The following FMNL2 variants were observed in gnomAD, a reference collection of about 807,000 sequenced individuals.
FMNL2 encodes the protein formin like 2, also known as formin-like protein 2.
In FMNL2, 51 loss-of-function variants were observed where a neutral mutation model predicts 130.2. The observed-to-expected ratio is 0.39, with a 90% CI of 0.31 to 0.49. The LOEUF is 0.49. Ranked by LOEUF, FMNL2 falls within the 20% of genes least tolerant of loss-of-function variation. The pLI is 0.85. For missense variants in FMNL2, 977 were observed against 1,316.2 expected, an observed-to-expected ratio of 0.74 and a Z score of 3.99; for synonymous variants, 465 against 467.1, an observed-to-expected ratio of 1.00 and a Z score of 0.06.
At chr2:152,485,054 C>A (rs941576219) in intron 1 of FMNL2, among the ~76,000 whole-genome samples, 1 of 152,126 alleles carries the variant, frequency 6.6e-6, no homozygotes, top group Non-Finnish European at 1.5e-5. Flanking sequence ...TAAAATTATT[C>A]TGTAATTTAA....
chr2:152,637,699 CT>C, intron 23 of FMNL2, 25 bp downstream of exon 23: 1 of 1,601,986 alleles, frequency 6.2e-7, no homozygotes, highest in Non-Finnish European at 8.5e-7. Flanking sequence ...CCTCCTTGCC[CT>C]TATTTCTCAA....
At chr2:152,429,804 C>T (rs150091718) in intron 1 of FMNL2, among the ~76,000 whole-genome samples, 216 of 152,278 alleles carry the variant, frequency 1.4e-3, no homozygotes, top group African/African-American at 5.0e-3. Flanking sequence ...GAACGTTACA[C>T]TAAGCAGTCG....
chr2:152,541,324 T>G (rs933344696), intron 2 of FMNL2, among the ~76,000 whole-genome samples: 1 of 152,176 alleles, frequency 6.6e-6, no homozygotes, highest in East Asian at 1.9e-4. Flanking sequence ...ACCCAGCTAA[T>G]TTTTTGTATT....
At position 152,649,371 on chromosome 2, in the gene FMNL2, C is replaced by T. The variant is rs1683880542; in HGVS notation, c.*1466C>T. On this transcript the variant is annotated 3_prime_UTR_variant, in exon 26 of 26. Coordinates refer to ENST00000288670, the MANE Select transcript of FMNL2 (RefSeq NM_052905.4). Reference sequence around the variant, plus strand: ...CTATACAATCTGAATGTTATTTTAACTTATAGTTTTTTTTAATATATATAT... The same window carrying T: ...CTATACAATCTGAATGTTATTTTAATTTATAGTTTTTTTTAATATATATAT... 6.6e-6 allele frequency: 1 copy of T among 152,282 alleles called. No homozygotes were observed. Among genetic ancestry groups the T allele is most frequent in the South Asian group, 2.1e-4 (1 of 4,824 alleles). The allele number at this position is 152,282 out of a possible 1,614,324, so 9.4% of individuals were successfully genotyped here. A position where few individuals can be genotyped will look rare whatever the true frequency, so the allele number is the denominator to read the frequency against.
chr2:152,613,269 T>A (rs1342005306), intron 11 of FMNL2, among the ~76,000 whole-genome samples: 1 of 152,222 alleles, frequency 6.6e-6, no homozygotes, highest in Non-Finnish European at 1.5e-5. Flanking sequence ...AGTATCAGTA[T>A]TTGAACAAAA....
intron 9 of FMNL2, among the ~76,000 whole-genome samples, chr2:152,598,987 G>T (rs1697903690): frequency 6.6e-6 from 1 of 152,182 alleles, no homozygotes; most frequent in Non-Finnish European, 1.5e-5. Flanking sequence ...GAGTCTGAAG[G>T]CCTGAGAACC....
chr2:152,509,843 C>T (rs1177596375), intron 1 of FMNL2, among the ~76,000 whole-genome samples: 1 of 136,894 alleles, frequency 7.3e-6, no homozygotes, highest in Non-Finnish European at 1.5e-5. Flanking sequence ...GCTCATGGCT[C>T]AAGTGATCCT....
intron 1 of FMNL2, among the ~76,000 whole-genome samples, chr2:152,486,479 C>A (rs934716371): frequency 6.6e-6 from 1 of 152,184 alleles, no homozygotes; most frequent in Non-Finnish European, 1.5e-5. Flanking sequence ...ACTAGGATTA[C>A]TTGGAGAAAA....
intron 18 of FMNL2, among the ~76,000 whole-genome samples, chr2:152,629,159 C>A (rs764394112): frequency 6.6e-6 from 1 of 152,120 alleles, no homozygotes; most frequent in Non-Finnish European, 1.5e-5. Context: ...TTTCCCAATT[C>A]TGTTTCTAGA....
At chr2:152,594,408 C>G (rs1196011164) in intron 9 of FMNL2, among the ~76,000 whole-genome samples, 1 of 152,316 alleles carries the variant, frequency 6.6e-6, no homozygotes, top group Middle Eastern at 3.4e-3. Flanking sequence ...GAGCAACAAT[C>G]CTAAAAGAGA....
intron 9 of FMNL2, among the ~76,000 whole-genome samples, chr2:152,595,641 G>A (rs1697721812): frequency 6.6e-6 from 1 of 152,082 alleles, no homozygotes; most frequent in South Asian, 2.1e-4. Context: ...ATATTATGGT[G>A]TCAGGCGTCC....
chr2:152,433,382 G>A (rs1687596317), intron 1 of FMNL2, among the ~76,000 whole-genome samples: 1 of 152,202 alleles, frequency 6.6e-6, no homozygotes, highest in Non-Finnish European at 1.5e-5. Flanking sequence ...AGTCATCTAG[G>A]TTACCATGTG....
chr2:152,381,361 C>T (rs35547021), intron 1 of FMNL2, among the ~76,000 whole-genome samples: 84,137 of 151,914 alleles, frequency 0.55, 24,299 homozygotes, highest in South Asian at 0.7. Flanking sequence ...TTGTGACATA[C>T]GAGCTCATAA....
intron 6 of FMNL2, among the ~76,000 whole-genome samples, chr2:152,568,317 G>C (rs1206673691): frequency 6.8e-6 from 1 of 147,778 alleles, no homozygotes; most frequent in African/African-American, 2.5e-5. Context: ...CCAGGTTCAA[G>C]CAATTCTTTT....
At chr2:152,378,616 T>C (rs1684298404) in intron 1 of FMNL2, among the ~76,000 whole-genome samples, 1 of 152,176 alleles carries the variant, frequency 6.6e-6, no homozygotes, top group African/African-American at 2.4e-5. Flanking sequence ...CTTGCTTTCT[T>C]ACTTATTAAG....
chr2:152,339,656 T>C (rs1313696414), intron 1 of FMNL2, among the ~76,000 whole-genome samples: 3 of 152,166 alleles, frequency 2.0e-5, no homozygotes, highest in Non-Finnish European at 2.9e-5. Context: ...TAGGAAGTAA[T>C]GGTTTAGGGC....
In FMNL2 at chr2:152,647,858, G is replaced by T; in HGVS notation, c.3232G>T (p.Asp1078Tyr). 1 of 1,613,862 alleles carries T rather than the reference G, an allele frequency of 6.2e-7. No homozygotes were observed. The highest frequency in any genetic ancestry group is 8.5e-7 in the Non-Finnish European group (1 of 1,179,836). ...AVRRSVRRRF[D>Y]DQNLRSVNGA... ...GAGGAGAAGCGTCAGGCGGCGCTTT[G>T]ATGATCAGAACTTGCGTTCTGTTAA... The change falls in exon 26 of 26, where the codon GAT becomes TAT. Residue 1078 changes from aspartate (D) to tyrosine (Y), a missense_variant. Around this residue, in one of 4 missense-constraint regions of FMNL2, gnomAD observed 168 missense variants for 168.8 expected, o/e 1.00. Coordinates refer to ENST00000288670, the MANE Select transcript of FMNL2 (RefSeq NM_052905.4).
At chr2:152,624,064 CCCTCCCCT>C (rs1681578734) in intron 15 of FMNL2, among the ~76,000 whole-genome samples, 1 of 3,246 alleles carries the variant, frequency 3.1e-4, no homozygotes, top group Non-Finnish European at 6.7e-4. Flanking sequence ...CCCTCCCCTC[CCCTCCCCT>C]CCACTCAATT....
intron 1 of FMNL2, among the ~76,000 whole-genome samples, chr2:152,430,551 T>G (rs1355623001): frequency 6.6e-6 from 1 of 152,206 alleles, no homozygotes; most frequent in Non-Finnish European, 1.5e-5. Context: ...TTCACTTCCA[T>G]TCATCTCTTT....
Sources: gnomAD v4.1 joint callset for allele counts (sites outside exome capture counted in the v4.1 genomes callset) on GRCh38, gnomAD v4.1.1 for gene constraint, gnomAD v4.1.1 regional missense constraint, MANE v1.5 for transcripts, NCBI Gene and HGNC (gene_info 2026-07-23, HGNC 2026-07-21) for gene names.